Variants in CHCHD6 observed in about 807,000 individuals in gnomAD.
CHCHD6 encodes the protein MICOS complex subunit MIC25.
A neutral mutation model predicts 32.3 loss-of-function variants in CHCHD6; 28 were observed. That is an observed-to-expected ratio of 0.87 (90% CI 0.64 to 1.19). The LOEUF (loss-of-function observed/expected upper bound fraction) is 1.19. Among genes scored for constraint, CHCHD6 ranks in the 50% most tolerant of loss-of-function variants. CHCHD6 has a pLI of 0.00. For missense variants in CHCHD6, 333 were observed against 307.0 expected (o/e 1.08, Z -0.63); for synonymous variants, 122 against 117.5 (o/e 1.04, Z -0.25).
chr3:126,952,895 T>C, intron 6 of CHCHD6: 1 of 856,892 alleles, frequency 1.2e-6, no homozygotes, highest in Non-Finnish European at 1.4e-6. Flanking sequence ...CAGGCAGACC[T>C]ATGCGGCCTG....
rs372515658 is a variant in CHCHD6, at chr3:126,876,914, A to C, written c.495+24184A>C. On this transcript the variant is annotated intron_variant, in intron 5 of 7. Coordinates refer to ENST00000290913, the MANE Select transcript of CHCHD6 (RefSeq NM_032343.3). ...AGCCAGCGGACTCAGCAGGGTGAAG[A>C]GTGTCAGCAGAGCAGAGGGAGCGGG... Among the ~76,000 whole-genome samples, 5 of 152,216 alleles carry C rather than the reference A, an allele frequency of 3.3e-5. No homozygotes were observed. In the East Asian group the frequency reaches 5.8e-4, roughly 18 times the overall value.
intron 1 of CHCHD6, among the ~76,000 whole-genome samples, chr3:126,706,439 C>G (rs531831759): frequency 9.9e-5 from 15 of 152,280 alleles, no homozygotes; most frequent in African/African-American, 3.4e-4. Context: ...AATTCCCCCC[C>G]ATGATGTATG....
intron 6 of CHCHD6, among the ~76,000 whole-genome samples, chr3:126,944,847 A>G (rs1461452570): frequency 6.6e-6 from 1 of 152,198 alleles, no homozygotes; most frequent in Non-Finnish European, 1.5e-5. Flanking sequence ...ATCAGGCAGG[A>G]TGGAGACTTA....
intron 4 of CHCHD6, among the ~76,000 whole-genome samples, chr3:126,806,109 C>A (rs201633946): frequency 1.8e-3 from 246 of 133,290 alleles, no homozygotes; most frequent in South Asian, 3.9e-3. Context: ...TAGAAGAAAA[C>A]CTAGACATTA....
chr3:126,903,927 C>T (rs2077968732), intron 5 of CHCHD6, among the ~76,000 whole-genome samples: 1 of 152,192 alleles, frequency 6.6e-6, no homozygotes, highest in South Asian at 2.1e-4. Context: ...CAGGGGATCC[C>T]ATCCTGGTCT....
At chr3:126,922,744 T>A (rs548703556) in intron 6 of CHCHD6, among the ~76,000 whole-genome samples, 1 of 152,258 alleles carries the variant, frequency 6.6e-6, no homozygotes, top group East Asian at 1.9e-4. Context: ...TACACGTGCT[T>A]GTTTCCTAAG....
rs566220348 is a variant in CHCHD6, at chr3:126,960,085, A to G, written c.703-111A>G. On this transcript the variant is annotated intron_variant, in intron 7 of 7. Transcript: ENST00000290913. Reference sequence around the variant, plus strand: ...GGGTCTCCAGGTGAGGAGGGAGACCAACTCACAGCTGCTCCCTGGGAAGCG... The same window carrying G: ...GGGTCTCCAGGTGAGGAGGGAGACCGACTCACAGCTGCTCCCTGGGAAGCG... 1.5e-4 allele frequency: 198 copies of G among 1,330,506 alleles called. 4 individuals are homozygous for G. In the South Asian group the frequency reaches 2.3e-3, roughly 16 times the overall value. 82.4% of individuals were successfully genotyped at this position (1,330,506 alleles called of 1,614,324 possible).
intron 4 of CHCHD6, among the ~76,000 whole-genome samples, chr3:126,754,530 A>G (rs1204861691): frequency 6.6e-6 from 1 of 152,226 alleles, no homozygotes; most frequent in African/African-American, 2.4e-5. Context: ...GGTACCGGCT[A>G]TTGGCAGAGG....
At chr3:126,844,851 A>T (rs1941238581) in intron 4 of CHCHD6, among the ~76,000 whole-genome samples, 1 of 152,182 alleles carries the variant, frequency 6.6e-6, no homozygotes, top group African/African-American at 2.4e-5. Context: ...GGGGGAAGGC[A>T]GGAGAGACAG....
chr3:126,951,047 A>C (rs2078708088), intron 6 of CHCHD6, among the ~76,000 whole-genome samples: 1 of 152,190 alleles, frequency 6.6e-6, no homozygotes, highest in Non-Finnish European at 1.5e-5. Flanking sequence ...TCTCATCTTG[A>C]ATTGTAATCC....
chr3:126,806,384 A>G (rs1430190705), intron 4 of CHCHD6, among the ~76,000 whole-genome samples: 50 of 152,004 alleles, frequency 3.3e-4, no homozygotes, highest in South Asian at 1.0e-3. Flanking sequence ...AAAAGTGGGC[A>G]AAGGATATGA....
chr3:126,780,356 A>G (rs1285211775), intron 4 of CHCHD6: 1 of 437,436 alleles, frequency 2.3e-6, no homozygotes. Context: ...CATTGACATG[A>G]TTCAAAAGTC....
At chr3:126,954,827 G>A (rs1435990301) in intron 6 of CHCHD6, among the ~76,000 whole-genome samples, 1 of 152,240 alleles carries the variant, frequency 6.6e-6, no homozygotes, top group Non-Finnish European at 1.5e-5. Flanking sequence ...AGGCTGGTAT[G>A]AGGGGACAGC....
In CHCHD6 at chr3:126,934,119, C is replaced by T. The variant is rs566498371; in HGVS notation, c.566+19369C>T. Among the ~76,000 whole-genome samples, 3 of 152,296 alleles carry T rather than the reference C, an allele frequency of 2.0e-5. No individual in the cohort carries two copies. In the East Asian group the frequency reaches 5.8e-4, roughly 29 times the overall value. ...CCACTGGAGTGCAAGCATGGAAAAG[C>T]CCCTGGTCTATGTGTAGACATATTT... On this transcript the variant is annotated intron_variant, in intron 6 of 7. Transcript: ENST00000290913.
intron 4 of CHCHD6, among the ~76,000 whole-genome samples, chr3:126,821,423 G>A (rs536606773): frequency 6.6e-5 from 10 of 152,144 alleles, no homozygotes; most frequent in South Asian, 6.2e-4. Flanking sequence ...TGAGCCTCCC[G>A]AGTAGCTGGG....
intron 4 of CHCHD6, among the ~76,000 whole-genome samples, chr3:126,790,494 C>G (rs1938473401): frequency 6.6e-6 from 1 of 152,114 alleles, no homozygotes; most frequent in Non-Finnish European, 1.5e-5. Context: ...TCACATAGTC[C>G]CATATTTCTT....
At chr3:126,779,182 C>T (rs1008569962) in intron 4 of CHCHD6, among the ~76,000 whole-genome samples, 1 of 152,008 alleles carries the variant, frequency 6.6e-6, no homozygotes, top group African/African-American at 2.4e-5. Flanking sequence ...TTATTGTCAC[C>T]TCTAGTAAGA....
At chr3:126,857,567 C>G (rs748582686) in intron 5 of CHCHD6, among the ~76,000 whole-genome samples, 2 of 152,164 alleles carry the variant, frequency 1.3e-5, no homozygotes, top group Admixed American at 6.5e-5. Context: ...ACAGACGTCC[C>G]TATCCCAGGC....
Position 126,727,120 on chromosome 3 carries a change from C to T in CHCHD6, c.130C>T (p.Pro44Ser). 6.2e-7 allele frequency: 1 copy of T among 1,614,096 alleles called. No homozygotes were observed. Among genetic ancestry groups the T allele is most frequent in the South Asian group, 1.1e-5 (1 of 91,072 alleles). ...GAACCGCATGAAGGAGCCCAGCTCT[C>T]CACCCCCTGCTCCCACATCTTCTAC... ...VVNRMKEPSS[P>S]PPAPTSSTFG... Residue 44 changes from proline to serine, a missense_variant, in exon 2 of 8, where the codon CCA (proline) becomes TCA (serine). Transcript: ENST00000290913.
Sources: gnomAD v4.1 joint callset for allele counts (sites outside exome capture counted in the v4.1 genomes callset) on GRCh38, gnomAD v4.1.1 for gene constraint, MANE v1.5 for transcripts, NCBI Gene and HGNC (gene_info 2026-07-23, HGNC 2026-07-21) for gene names.